DENND4B: variants seen among roughly 807,000 people sequenced by gnomAD.
DENND4B encodes the protein DENN domain-containing protein 4B.
In DENND4B, 67 loss-of-function variants were observed where a neutral mutation model predicts 161.0. The ratio of observed to expected loss-of-function variants is 0.42; its 90% CI spans 0.34 to 0.51. The LOEUF (loss-of-function observed/expected upper bound fraction) is 0.51. Among genes scored for constraint, DENND4B ranks in the 20% least tolerant of loss-of-function variants. The probability of loss-of-function intolerance (pLI) is 0.08; values close to 1 mark genes in which losing one functional copy is unlikely to be tolerated. For missense variants in DENND4B, 1,481 were observed against 1,968.0 expected (o/e 0.75, Z 4.68); for synonymous variants, 753 against 813.8 (o/e 0.93, Z 1.27).
chr1:153,937,616 T>C lies in DENND4B; in HGVS notation c.2106-2A>G. 1.2e-6 allele frequency: 2 copies of C among 1,612,016 alleles called. No individual in the cohort carries two copies. Among genetic ancestry groups the C allele is most frequent in the Non-Finnish European group, 1.7e-6 (2 of 1,178,608 alleles). On this transcript the variant is annotated splice_acceptor_variant, in intron 14 of 27. Coordinates refer to ENST00000361217, the MANE Select transcript of DENND4B (RefSeq NM_014856.3). LOFTEE classifies it high-confidence loss of function. This position sits in a 1 kb window ranked among gnomAD's most constrained non-coding sequence, Gnocchi z 4.7. ...CGTAGCTCTGGGAATCCATCATAGC[T>C]GGAGGGGCAGAGAGAAGCAACATCG...
chr1:153,944,954 G>A lies in DENND4B; in HGVS notation c.-23-557C>T, dbSNP rs112294970. On this transcript the variant is annotated intron_variant, in intron 1 of 27. Coordinates refer to ENST00000361217, the MANE Select transcript of DENND4B (RefSeq NM_014856.3). This position sits in a 1 kb window ranked among gnomAD's most constrained non-coding sequence, Gnocchi z 4.8. ...TTAAGAGTCTTTTCAACGAACCCAA[G>A]TGTCCTTTCTCCTAGCTTAACTCCA... Among the ~76,000 whole-genome samples, 2 of 152,248 alleles carry A rather than the reference G, an allele frequency of 1.3e-5. No individual in the cohort carries two copies. Among genetic ancestry groups the A allele is most frequent in the African/African-American group, 4.8e-5 (2 of 41,522 alleles).
Position 153,937,564 on chromosome 1 carries a change from T to C in DENND4B, c.2156A>G (p.Glu719Gly). 6.2e-7 allele frequency: 1 copy of C among 1,613,432 alleles called. No homozygotes were observed. The highest frequency in any genetic ancestry group is 8.5e-7 in the Non-Finnish European group (1 of 1,179,640). ...LRAELFESLQ[E>G]QPGALPVPGP... is the part of the protein sequence containing the mutation. The stretch of plus-strand genomic sequence containing the variant: ...TGGCACAGGCAGGGCCCCAGGTTGC[T>C]CTTGAAGAGACTCAAACAACTCAGC... Residue 719 changes from glutamate (E) to glycine (G), a missense_variant, in exon 15 of 28, where the codon GAG becomes GGG. Physicochemically the swap from Glu to Gly is moderately conservative, Grantham distance 98. This residue lies in a region of DENND4B where 806 missense variants were observed against 1,134.4 expected (regional missense o/e 0.71). Coordinates refer to ENST00000361217, the MANE Select transcript of DENND4B (RefSeq NM_014856.3). The surrounding 1 kb of genome is among the most constrained non-coding windows in gnomAD (Gnocchi z 4.7).
At position 153,941,988 on chromosome 1, in the gene DENND4B, C is replaced by T. The variant is rs768042340; in HGVS notation, c.936G>A (p.Val312=). The change falls in exon 6 of 28, where the codon GTG becomes GTA. Residue 312 remains valine (V), a synonymous_variant. Coordinates refer to ENST00000361217, the MANE Select transcript of DENND4B (RefSeq NM_014856.3). ...GCACAGCGATGGCACGCCGGCTGCGCACAGCTCTGCCCCCCAGTGCCCGAC... is the reference window on the plus strand; with the variant it reads ...GCACAGCGATGGCACGCCGGCTGCGTACAGCTCTGCCCCCCAGTGCCCGAC... ...ERGRALGGRA[V]RSRRAIAVLS... 5.0e-6 allele frequency: 8 copies of T among 1,612,332 alleles called. No individual in the cohort carries two copies. The highest frequency in any genetic ancestry group is 5.9e-6 in the Non-Finnish European group (7 of 1,179,594).
Position 153,940,175 on chromosome 1 carries a change from C to T in DENND4B, c.1584G>A (p.Leu528=), listed in dbSNP as rs1679586621. Residue 528 remains leucine, a synonymous_variant, in exon 11 of 28, where the codon CTG becomes CTA. Transcript: ENST00000361217. This position sits in a 1 kb window ranked among gnomAD's most constrained non-coding sequence, Gnocchi z 5.6. ...TCTCACTCTGGTCCAGCTGCTGGTA[C>T]AGGTTTGTCAGTGTGGCCAGCAGAA... ...YKVLLATLTN[L]YQQLDQTYTG... The T allele has an allele frequency of 5.7e-6, 9 of 1,584,102 alleles. No individual in the cohort carries two copies. Among genetic ancestry groups the T allele is most frequent in the Non-Finnish European group, 6.9e-6 (8 of 1,167,502 alleles).
chr1:153,943,270 C>T, intron 2 of DENND4B, 140 bp from the exon 3 acceptor site: 1 of 1,235,734 alleles, frequency 8.1e-7, no homozygotes, highest in Non-Finnish European at 1.1e-6. Flanking sequence ...GGGCCCACCT[C>T]TTCTTGCTGA....
Position 153,933,070 on chromosome 1 carries a change from C to T in DENND4B, c.3454-40G>A, listed in dbSNP as rs200973111. 1.6e-5 allele frequency: 25 copies of T among 1,610,376 alleles called. 1 individual carries two copies. Among genetic ancestry groups the T allele is most frequent in the South Asian group, 9.9e-5 (9 of 90,878 alleles). On this transcript the variant is annotated intron_variant, in intron 21 of 27. Coordinates refer to ENST00000361217, the MANE Select transcript of DENND4B (RefSeq NM_014856.3). This position sits in a 1 kb window ranked among gnomAD's most constrained non-coding sequence, Gnocchi z 5.7. ...AGTCGGGAAGTAGGTGCTGTCTGGC[C>T]GCCAGCACTCTGGAGCCCATGCCCC...
chr1:153,942,968 G>T lies in DENND4B; in HGVS notation c.480C>A (p.Gly160=). Residue 160 remains glycine, a synonymous_variant, in exon 3 of 28, where the codon GGC becomes GGA. Coordinates refer to ENST00000361217, the MANE Select transcript of DENND4B (RefSeq NM_014856.3). The surrounding 1 kb of genome is among the most constrained non-coding windows in gnomAD (Gnocchi z 6.9). ...AAEGAGLHAL[G]ITDLCLVLPS... ...GCAGCACCAGGCAGAGGTCAGTGAT[G>T]CCCAGGGCATGCAGCCCTGCCCCCT... The T allele has an allele frequency of 6.2e-7, 1 of 1,613,960 alleles. No individual in the cohort carries two copies. The highest frequency in any genetic ancestry group is 8.5e-7 in the Non-Finnish European group (1 of 1,179,870).
At chr1:153,938,842 A>T in intron 13 of DENND4B, 58 bp downstream of exon 13, 1 of 1,549,914 alleles carries the variant, frequency 6.5e-7, no homozygotes, top group African/African-American at 1.4e-5. Flanking sequence ...GCCTTGGGGC[A>T]ACAGAGACAA....
rs1334845949 is a variant in DENND4B, at chr1:153,934,427, G to T, written c.2774-125C>A. On this transcript the variant is annotated intron_variant, in intron 18 of 27. Transcript: ENST00000361217. The surrounding 1 kb of genome is among the most constrained non-coding windows in gnomAD (Gnocchi z 5.3). The stretch of plus-strand genomic sequence containing the variant: ...TCCCAGGCAAAACTTTATCCGTTTT[G>T]TGTTTGTTTGTTTGTTTGTTTTGTT... The T allele has an allele frequency of 3.0e-6, 4 of 1,317,200 alleles. No homozygotes were observed. Among genetic ancestry groups the T allele is most frequent in the Non-Finnish European group, 4.1e-6 (4 of 969,852 alleles). 81.6% of individuals were successfully genotyped at this position (1,317,200 alleles called of 1,614,324 possible).
At position 153,940,120 on chromosome 1, in the gene DENND4B, C is replaced by T. The variant is rs1679581420; in HGVS notation, c.1603+36G>A. On this transcript the variant is annotated intron_variant, in intron 11 of 27. Coordinates refer to ENST00000361217, the MANE Select transcript of DENND4B (RefSeq NM_014856.3). The surrounding 1 kb of genome is among the most constrained non-coding windows in gnomAD (Gnocchi z 5.6). The stretch of plus-strand genomic sequence containing the variant: ...CAAACTGGAGGTTTGAGGGCAATGA[C>T]AGTTCCCAGCCTCCCTCCCCACCCA... 1.3e-6 allele frequency: 2 copies of T among 1,512,460 alleles called. No individual in the cohort carries two copies. The highest frequency in any genetic ancestry group is 2.2e-5 in the Admixed American group (1 of 44,544). 93.7% of individuals were successfully genotyped at this position (1,512,460 alleles called of 1,614,324 possible).
rs745566108 is a variant in DENND4B, at chr1:153,933,842, G to T, written c.2971C>A (p.Arg991=). 2.5e-5 allele frequency: 41 copies of T among 1,613,086 alleles called. No homozygotes were observed. The African/African-American group carries it at 4.7e-4, about 18-fold the overall frequency. ...TCGTGCCAGGGCACAGGTGATCCCC[G>T]GGGTTCCAGGACCCCCAAGGCCTCT... ...MIEALGVLEP[R]GSPVPWHDGS... The change falls in exon 20 of 28, where the codon CGG becomes AGG. Residue 991 remains arginine, a synonymous_variant. Transcript: ENST00000361217. This position sits in a 1 kb window ranked among gnomAD's most constrained non-coding sequence, Gnocchi z 5.7.
chr1:153,939,576 AG>A lies in DENND4B; in HGVS notation c.1819+12del, dbSNP rs1242320187. On this transcript the variant is annotated intron_variant, in intron 12 of 27. Coordinates refer to ENST00000361217, the MANE Select transcript of DENND4B (RefSeq NM_014856.3). ...CCATGATACATCTCCAAGCAGAGAC[AG>A]GCCCTCTATACCCTGCAGGAAGAAA... The A allele has an allele frequency of 6.3e-7, 1 of 1,589,956 alleles. No individual in the cohort carries two copies. Among genetic ancestry groups the A allele is most frequent in the Non-Finnish European group, 8.6e-7 (1 of 1,163,080 alleles).
chr1:153,946,105 G>C lies in DENND4B; in HGVS notation c.-24+196C>G, dbSNP rs1175432444. 6.6e-6 allele frequency among the ~76,000 whole-genome samples: 1 copy of C among 152,182 alleles called. No homozygotes were observed. The highest frequency in any genetic ancestry group is 2.4e-5 in the African/African-American group (1 of 41,456). On this transcript the variant is annotated intron_variant, in intron 1 of 27. Coordinates refer to ENST00000361217, the MANE Select transcript of DENND4B (RefSeq NM_014856.3). The surrounding 1 kb of genome is among the most constrained non-coding windows in gnomAD (Gnocchi z 6.3). Reference sequence around the variant, plus strand: ...CCGGCACCCACGGGAGCAGAAGGGGGTGCAGGAGGCCGGGCACGGCGAGCT... The same window carrying C: ...CCGGCACCCACGGGAGCAGAAGGGGCTGCAGGAGGCCGGGCACGGCGAGCT...
In DENND4B at chr1:153,930,031, A is replaced by G; in HGVS notation, c.*266T>C. On this transcript the variant is annotated 3_prime_UTR_variant, in exon 28 of 28. Coordinates refer to ENST00000361217, the MANE Select transcript of DENND4B (RefSeq NM_014856.3). The surrounding 1 kb of genome is among the most constrained non-coding windows in gnomAD (Gnocchi z 4.7). ...TACCCTGGAGGGGAGTTCCCGGTAT[A>G]GGACAAGGGAAGAACAGAGCTGTAC... 1 of 492,406 alleles carries G rather than the reference A, an allele frequency of 2.0e-6. No homozygotes were observed. 30.5% of individuals were successfully genotyped at this position (492,406 alleles called of 1,614,324 possible).
chr1:153,936,247 C>G lies in DENND4B; in HGVS notation c.2440-59G>C. The G allele has an allele frequency of 6.4e-7, 1 of 1,551,540 alleles. No individual in the cohort carries two copies. Among genetic ancestry groups the G allele is most frequent in the South Asian group, 1.2e-5 (1 of 83,486 alleles). ...TCACTCTCAACCAAAACCAAAGTCT[C>G]AGCAAGCACCCTCTTCCTGCCTCCC... On this transcript the variant is annotated intron_variant, in intron 16 of 27. Coordinates refer to ENST00000361217, the MANE Select transcript of DENND4B (RefSeq NM_014856.3). The surrounding 1 kb of genome is among the most constrained non-coding windows in gnomAD (Gnocchi z 4.1).
In DENND4B at chr1:153,944,520, G is replaced by T; in HGVS notation, c.-23-123C>A. 1 of 1,021,568 alleles carries T rather than the reference G, an allele frequency of 9.8e-7. No individual in the cohort carries two copies. The highest frequency in any genetic ancestry group is 1.4e-6 in the Non-Finnish European group (1 of 727,042). The allele number at this position is 1,021,568 out of a possible 1,614,324, so 63.3% of individuals were successfully genotyped here. On this transcript the variant is annotated intron_variant, in intron 1 of 27. Coordinates refer to ENST00000361217, the MANE Select transcript of DENND4B (RefSeq NM_014856.3). This position sits in a 1 kb window ranked among gnomAD's most constrained non-coding sequence, Gnocchi z 4.8. ...CAAAGAAAGGCAGGATAAGGGGTCG[G>T]CCAATCCTGAACTCTTCCCCCTGTG...
rs1318099393 is a variant in DENND4B, at chr1:153,941,922, G to A, written c.1002C>T (p.Leu334=). 1 of 1,612,428 alleles carries A rather than the reference G, an allele frequency of 6.2e-7. No homozygotes were observed. Among genetic ancestry groups the A allele is most frequent in the Admixed American group, 1.7e-5 (1 of 60,034 alleles). The change falls in exon 6 of 28, where the codon CTC becomes CTT. Residue 334 remains leucine, a synonymous_variant. Coordinates refer to ENST00000361217, the MANE Select transcript of DENND4B (RefSeq NM_014856.3). ...AGACGGAGTAGCGGTAAAGGAAGGT[G>A]AGGAAGGCGCGGAAGGCAGGGAAGG... is the stretch of plus-strand genomic sequence containing the variant. The part of the protein sequence containing the change: ...WPAFPAFRAF[L]TFLYRYSVSG...
At position 153,937,717 on chromosome 1, in the gene DENND4B, C is replaced by T; in HGVS notation, c.2105+7G>A. The T allele has an allele frequency of 6.2e-7, 1 of 1,614,044 alleles. No homozygotes were observed. The highest frequency in any genetic ancestry group is 8.5e-7 in the Non-Finnish European group (1 of 1,179,898). ...CCTGGAACATGTGAAGGCTAAGAGA[C>T]TCTCACCAGTACTGGGGAGTGGATT... On this transcript the variant is annotated splice_region_variant and intron_variant, in intron 14 of 27. Coordinates refer to ENST00000361217, the MANE Select transcript of DENND4B (RefSeq NM_014856.3). This position sits in a 1 kb window ranked among gnomAD's most constrained non-coding sequence, Gnocchi z 4.7.
chr1:153,934,761 T>C lies in DENND4B; in HGVS notation c.2772A>G (p.Ala924=). 1 of 1,611,890 alleles carries C rather than the reference T, an allele frequency of 6.2e-7. No homozygotes were observed. The highest frequency in any genetic ancestry group is 8.5e-7 in the Non-Finnish European group (1 of 1,179,454). The change falls in exon 18 of 28, where the codon GCA becomes GCG. Residue 924 remains alanine, a splice_region_variant and synonymous_variant. Coordinates refer to ENST00000361217, the MANE Select transcript of DENND4B (RefSeq NM_014856.3). The surrounding 1 kb of genome is among the most constrained non-coding windows in gnomAD (Gnocchi z 5.3). ...SAHQEAGSSQ[A]EPYLERPSPT... is the part of the protein sequence containing the mutation. ...CCTGTCTCACCAGGCCCTACCCACC[T>C]GCCTGGGAGCTGCCTGCCTCTTGAT...
Sources: allele counts gnomAD v4.1 joint callset (sites outside exome capture counted in the v4.1 genomes callset), GRCh38; gene constraint gnomAD v4.1.1; regional missense constraint gnomAD v4.1.1; non-coding constraint Gnocchi (gnomAD v3.1); transcripts MANE v1.5; gene names NCBI Gene and HGNC (gene_info 2026-07-23, HGNC 2026-07-21).